The following DNAH17 variants were observed in gnomAD, a reference collection of about 807,000 sequenced individuals.
The protein encoded by DNAH17 is axonemal beta dynein heavy chain 17.
Under a neutral mutation model 485.6 loss-of-function variants are expected in DNAH17, and 376 were observed. That is an observed-to-expected ratio of 0.77 (90% confidence interval 0.71 to 0.84). The LOEUF (loss-of-function observed/expected upper bound fraction) is 0.84. DNAH17 is among the 40% of genes least tolerant of loss of function. The pLI is 0.00. For synonymous variants in DNAH17, 3,031 were observed against 2,405.9 expected (o/e 1.26, Z -7.60); for missense variants, 6,370 against 5,839.3 (o/e 1.09, Z -2.96).
rs34701814 is a variant in DNAH17 at position 78,548,202 on chromosome 17, C to CTTTTTTTTTTTTTTTTTTTTT, written c.2391+3332_2391+3333insAAAAAAAAAAAAAAAAAAAAA. On this transcript the variant is annotated intron_variant, in intron 16 of 80. Coordinates refer to ENST00000389840, the MANE Select transcript of DNAH17 (RefSeq NM_173628.4). ...GTTGTTATTTCGTAGATGTCATGGC[C>CTTTTTTTTTTTTTTTTTTTTT]TTTTTTTTTTTTTTTTTTTGGAGAC... Among the ~76,000 whole-genome samples the CTTTTTTTTTTTTTTTTTTTTT allele has an allele frequency of 6.2e-5, 5 of 80,102 alleles. 1 individual carries two copies. Among genetic ancestry groups the CTTTTTTTTTTTTTTTTTTTTT allele is most frequent in the African/African-American group, 2.1e-4 (4 of 18,704 alleles). 52.6% of individuals were successfully genotyped at this position (80,102 alleles called of 152,430 possible).
intron 25 of DNAH17, among the ~76,000 whole-genome samples, chr17:78,520,026 G>A (rs550775829): frequency 5.3e-5 from 8 of 152,172 alleles, no homozygotes; most frequent in Admixed American, 1.3e-4. Context: ...TGGGAGAATC[G>A]CTTGAACCCA....
intron 1 of DNAH17, among the ~76,000 whole-genome samples, chr17:78,576,847 G>A (rs12938153): frequency 0.22 from 34,199 of 152,210 alleles, 4,466 homozygotes; most frequent in East Asian, 0.52. Context: ...TTTCTTGCAC[G>A]ATCGGGAGGT....
chr17:78,484,431 G>A (rs1282388682), intron 48 of DNAH17, among the ~76,000 whole-genome samples: 4 of 152,048 alleles, frequency 2.6e-5, no homozygotes, highest in African/African-American at 9.7e-5. Flanking sequence ...TCTCCCCAGG[G>A]GCATCTCTCT....
Position 78,429,293 on chromosome 17 carries a change from C to A in DNAH17, c.12233G>T (p.Trp4078Leu). ...NYLEANPKVP[W>L]DDLRYLFGEI... The stretch of plus-strand genomic sequence containing the variant: ...ACCAAAAAGGTAGCGGAGATCGTCC[C>A]AGGGCACCTGAGGAAGGATGACAGC... The change falls in exon 76 of 81, where the codon TGG (tryptophan) becomes TTG (leucine). Residue 4078 changes from tryptophan to leucine, a missense_variant. Coordinates refer to ENST00000389840, the MANE Select transcript of DNAH17 (RefSeq NM_173628.4). 1 of 1,613,436 alleles carries A rather than the reference C, an allele frequency of 6.2e-7. No individual in the cohort carries two copies. Among genetic ancestry groups the A allele is most frequent in the Non-Finnish European group, 8.5e-7 (1 of 1,179,598 alleles).
At chr17:78,485,783 G>C in intron 46 of DNAH17, 26 bp from the exon 47 acceptor site, 1 of 1,608,338 alleles carries the variant, frequency 6.2e-7, no homozygotes, top group South Asian at 1.1e-5. Context: ...GAAGGGGAGG[G>C]AGCTGTGATT....
At chr17:78,491,987 C>G (rs1312284447) in intron 42 of DNAH17, among the ~76,000 whole-genome samples, 1 of 152,126 alleles carries the variant, frequency 6.6e-6, no homozygotes, top group East Asian at 1.9e-4. Flanking sequence ...GCTGGGGGTA[C>G]AGAGCTTGAC....
At chr17:78,538,777 G>A (rs1026935636) in intron 18 of DNAH17, among the ~76,000 whole-genome samples, 1 of 152,178 alleles carries the variant, frequency 6.6e-6, no homozygotes, top group Non-Finnish European at 1.5e-5. Flanking sequence ...CTGGTTACCA[G>A]CTGGCATCTG....
intron 75 of DNAH17, among the ~76,000 whole-genome samples, chr17:78,431,315 C>T (rs78809549): frequency 1.2e-4 from 19 of 152,370 alleles, no homozygotes; most frequent in African/African-American, 3.8e-4. Flanking sequence ...TTGGAGGCAG[C>T]GTCTGTGTCT....
At chr17:78,569,775 AGG>A (rs2143717188) in intron 7 of DNAH17, among the ~76,000 whole-genome samples, 1 of 152,354 alleles carries the variant, frequency 6.6e-6, no homozygotes, top group South Asian at 2.1e-4. Flanking sequence ...CTCCAGGGAC[AGG>A]GGACCCCGGT....
intron 64 of DNAH17, 120 bp from the exon 65 acceptor site, chr17:78,453,585 G>A: frequency 7.5e-7 from 1 of 1,330,554 alleles, no homozygotes; most frequent in Non-Finnish European, 1.0e-6. Flanking sequence ...GGGTGACCTA[G>A]GAGCCCACAA....
chr17:78,563,229 G>A (rs879121298), intron 11 of DNAH17, among the ~76,000 whole-genome samples: 40 of 152,124 alleles, frequency 2.6e-4, no homozygotes, highest in African/African-American at 9.4e-4. Context: ...GAAAAAAATT[G>A]TCACCCTTGG....
At chr17:78,445,998 C>G (rs762093381) in intron 69 of DNAH17, among the ~76,000 whole-genome samples, 2 of 151,628 alleles carry the variant, frequency 1.3e-5, no homozygotes, top group Non-Finnish European at 2.9e-5. Context: ...ATGGTGAAAC[C>G]CTGTTTCTAC....
At chr17:78,539,709 A>C in intron 18 of DNAH17, 28 bp downstream of exon 18, 1 of 1,550,852 alleles carries the variant, frequency 6.4e-7, no homozygotes, top group South Asian at 1.2e-5. Context: ...CATATACATA[A>C]ATATATTACC....
intron 69 of DNAH17, among the ~76,000 whole-genome samples, chr17:78,449,167 C>T (rs576506787): frequency 6.6e-6 from 1 of 152,318 alleles, no homozygotes; most frequent in East Asian, 1.9e-4. Flanking sequence ...CCTTAAAACA[C>T]CACCCCTTCA....
chr17:78,476,324 C>G (rs989086234), intron 52 of DNAH17, among the ~76,000 whole-genome samples: 1 of 92,116 alleles, frequency 1.1e-5, no homozygotes, highest in African/African-American at 5.4e-5. Context: ...GTGGAACCCT[C>G]GGACCCACAG....
At position 78,491,423 on chromosome 17, in the gene DNAH17, A is replaced by G; in HGVS notation, c.6669+20T>C. ...CCTGCCTTGGGTGGCCTTGGGGCTTAGAGTCCAGGGCCCGCGAACCTTGTT... is the reference window on the plus strand; with the variant it reads ...CCTGCCTTGGGTGGCCTTGGGGCTTGGAGTCCAGGGCCCGCGAACCTTGTT... On this transcript the variant is annotated intron_variant, in intron 43 of 80. Transcript: ENST00000389840. 1 of 1,610,164 alleles carries G rather than the reference A, an allele frequency of 6.2e-7. No homozygotes were observed.
intron 25 of DNAH17, among the ~76,000 whole-genome samples, chr17:78,516,181 A>G (rs1311299390): frequency 6.6e-6 from 1 of 152,208 alleles, no homozygotes; most frequent in Non-Finnish European, 1.5e-5. Context: ...TTTTTCTGGC[A>G]GGTTCGAGAT....
In DNAH17 at chr17:78,468,809, C is replaced by T. The variant is rs749819351; in HGVS notation, c.8586G>A (p.Gln2862=). The T allele has an allele frequency of 5.0e-6, 8 of 1,613,946 alleles. No homozygotes were observed. The African/African-American group carries it at 8.0e-5, about 16-fold the overall frequency. ...GCACCAGAAACTGCTCCTCGGCCAC[C>T]TGGGAGTCTGTCATCAGGAACACCG... ...VPSVFLMTDS[Q]VAEEQFLVLI... The change falls in exon 55 of 81, where the codon CAG becomes CAA. Residue 2862 remains glutamine, a synonymous_variant. Coordinates refer to ENST00000389840, the MANE Select transcript of DNAH17 (RefSeq NM_173628.4).
At chr17:78,543,510 T>C (rs2091661809) in intron 17 of DNAH17, among the ~76,000 whole-genome samples, 1 of 151,690 alleles carries the variant, frequency 6.6e-6, no homozygotes, top group South Asian at 2.1e-4. Flanking sequence ...CAGGATGGTC[T>C]CGATCTCCTG....
Sources: gnomAD v4.1 joint callset for allele counts (sites outside exome capture counted in the v4.1 genomes callset) on GRCh38, gnomAD v4.1.1 for gene constraint, MANE v1.5 for transcripts, NCBI Gene and HGNC (gene_info 2026-07-23, HGNC 2026-07-21) for gene names.